SNX29: variants seen among roughly 807,000 people sequenced by gnomAD.
The protein encoded by SNX29 is sorting nexin-29.
In SNX29, 78 loss-of-function variants were observed where a neutral mutation model predicts 102.1. That is an observed-to-expected ratio of 0.76 (90% CI 0.64 to 0.92). The LOEUF is 0.92. Ranked by LOEUF, SNX29 falls within the 40% of genes least tolerant of loss-of-function variation. The pLI is 0.00. For synonymous variants in SNX29, 580 were observed against 414.5 expected, an observed-to-expected ratio of 1.40 and a Z score of -4.85; for missense variants, 1,280 against 1,061.7, an observed-to-expected ratio of 1.21 and a Z score of -2.86.
At chr16:12,196,594 C>CT (rs578001806) in intron 13 of SNX29, among the ~76,000 whole-genome samples, 5 of 150,232 alleles carry the variant, frequency 3.3e-5, no homozygotes, top group Non-Finnish European at 7.4e-5. Flanking sequence ...ATTGGCAACA[C>CT]TTTTTTTACT....
intron 20 of SNX29, among the ~76,000 whole-genome samples, chr16:12,533,551 A>G (rs891308370): frequency 2.0e-5 from 3 of 152,012 alleles, no homozygotes; most frequent in Non-Finnish European, 4.4e-5. Context: ...CTCATTTCTT[A>G]CTTTCTTAGC....
At chr16:12,522,524 G>A (rs996553039) in intron 19 of SNX29, among the ~76,000 whole-genome samples, 2 of 152,142 alleles carry the variant, frequency 1.3e-5, no homozygotes, top group African/African-American at 4.8e-5. Context: ...TAGAGGTGGG[G>A]CCTGGTGGGA....
At chr16:12,412,615 G>C (rs981697285) in intron 18 of SNX29, among the ~76,000 whole-genome samples, 13 of 152,330 alleles carry the variant, frequency 8.5e-5, no homozygotes, top group African/African-American at 2.9e-4. Flanking sequence ...AAGTCTTCGC[G>C]TGTTAGGCTT....
intron 9 of SNX29, among the ~76,000 whole-genome samples, chr16:12,066,985 AAATAAAT>A (rs2051067333): frequency 2.5e-4 from 1 of 3,942 alleles, no homozygotes; most frequent in African/African-American, 9.5e-4. Flanking sequence ...TCTCTAAAAT[AAATAAAT>A]AAATAAATAA....
Position 12,568,791 on chromosome 16 carries a change from A to G in SNX29, c.*162A>G, listed in dbSNP as rs1003906161. On this transcript the variant is annotated 3_prime_UTR_variant, in exon 21 of 21. Transcript: ENST00000566228. The stretch of plus-strand genomic sequence containing the variant: ...ACACAACACCCCGATTAAACTAATC[A>G]GTCTTCGAGCCGCATGATACCGTGA... The G allele has an allele frequency of 6.6e-5, 75 of 1,141,342 alleles. No individual in the cohort carries two copies. The highest frequency in any genetic ancestry group is 2.9e-4 in the Middle Eastern group (1 of 3,438). The allele number at this position is 1,141,342 out of a possible 1,614,324, so 70.7% of individuals were successfully genotyped here.
chr16:12,470,831 G>A (rs1384657072), intron 18 of SNX29, among the ~76,000 whole-genome samples: 2 of 152,216 alleles, frequency 1.3e-5, no homozygotes, highest in Non-Finnish European at 2.9e-5. Flanking sequence ...CGATGATGAA[G>A]GTGATAAGGG....
chr16:12,558,082 A>G (rs555033342), intron 20 of SNX29, among the ~76,000 whole-genome samples: 1 of 152,354 alleles, frequency 6.6e-6, no homozygotes, highest in African/African-American at 2.4e-5. Context: ...TGAACATCCC[A>G]TGCAAAGTGG....
chr16:12,371,751 C>G (rs972850301), intron 16 of SNX29, among the ~76,000 whole-genome samples: 2 of 152,198 alleles, frequency 1.3e-5, no homozygotes, highest in African/African-American at 4.8e-5. Flanking sequence ...AACTCTTGCC[C>G]CCAGTGCTGC....
At chr16:12,485,586 A>G (rs962573046) in intron 19 of SNX29, among the ~76,000 whole-genome samples, 6 of 152,178 alleles carry the variant, frequency 3.9e-5, no homozygotes, top group African/African-American at 1.4e-4. Flanking sequence ...GCCATTGGAA[A>G]CACAGCCCTC....
chr16:12,237,655 C>G (rs912373057), intron 14 of SNX29, among the ~76,000 whole-genome samples: 10 of 151,988 alleles, frequency 6.6e-5, no homozygotes, highest in Admixed American at 6.6e-4. Context: ...GCCTGTAATC[C>G]CAGCACTTTG....
intron 1 of SNX29, 84 bp from the exon 2 acceptor site, chr16:11,999,213 A>C (rs2056198264): frequency 7.9e-7 from 1 of 1,264,042 alleles, no homozygotes; most frequent in Non-Finnish European, 1.1e-6. Context: ...ATTTTGTTAA[A>C]GATCAGTAGG....
At chr16:12,258,032 T>C (rs566467247) in intron 14 of SNX29, among the ~76,000 whole-genome samples, 22 of 152,342 alleles carry the variant, frequency 1.4e-4, no homozygotes, top group African/African-American at 5.0e-4. Context: ...CCTGGGATGC[T>C]ATTGTAGCTC....
chr16:12,542,022 GTTT>G (rs896221590), intron 20 of SNX29, among the ~76,000 whole-genome samples: 8 of 152,098 alleles, frequency 5.3e-5, no homozygotes, highest in South Asian at 2.1e-4. Context: ...GCACCGCTCT[GTTT>G]TTTCTTTTTT....
chr16:12,437,345 T>C (rs1457137967), intron 18 of SNX29, among the ~76,000 whole-genome samples: 2 of 152,230 alleles, frequency 1.3e-5, no homozygotes, highest in African/African-American at 4.8e-5. Flanking sequence ...ATGGAGTGGA[T>C]GGGCCTGAGG....
intron 17 of SNX29, among the ~76,000 whole-genome samples, chr16:12,398,791 G>A (rs960871742): frequency 6.6e-6 from 1 of 150,730 alleles, no homozygotes; most frequent in African/African-American, 2.4e-5. Flanking sequence ...CTTTAAAAAT[G>A]AGACGCTTGT....
intron 11 of SNX29, chr16:12,087,766 C>A: frequency 2.3e-6 from 1 of 439,088 alleles, no homozygotes; most frequent in Middle Eastern, 3.4e-4. Context: ...ATACAGTGCT[C>A]AGAGTCACAC....
intron 11 of SNX29, among the ~76,000 whole-genome samples, chr16:12,082,801 AC>A: frequency 6.6e-6 from 1 of 152,012 alleles, no homozygotes; most frequent in African/African-American, 2.4e-5. Flanking sequence ...GCTGTTGTCT[AC>A]CCTGGATGTC....
intron 15 of SNX29, among the ~76,000 whole-genome samples, chr16:12,348,372 G>C (rs1025063315): frequency 6.6e-6 from 1 of 152,180 alleles, no homozygotes; most frequent in Non-Finnish European, 1.5e-5. Context: ...AGTCTCCTTT[G>C]GCCTTGCATT....
intron 19 of SNX29, among the ~76,000 whole-genome samples, chr16:12,512,804 A>G (rs1335237009): frequency 6.6e-6 from 1 of 152,118 alleles, no homozygotes; most frequent in African/African-American, 2.4e-5. Flanking sequence ...TAGATGGAGA[A>G]CTGAATCCGA....
Sources: allele counts gnomAD v4.1 joint callset (sites outside exome capture counted in the v4.1 genomes callset), GRCh38; gene constraint gnomAD v4.1.1; transcripts MANE v1.5; gene names NCBI Gene and HGNC (gene_info 2026-07-23, HGNC 2026-07-21).